Variants in KPNA6 observed in about 807,000 individuals in gnomAD.
KPNA6 encodes karyopherin subunit alpha 6.
A neutral mutation model predicts 72.0 loss-of-function variants in KPNA6; 9 were observed. The ratio of observed to expected loss-of-function variants is 0.13; its 90% CI spans 0.08 to 0.22. KPNA6 has a LOEUF of 0.22. KPNA6 is among the 10% of genes least tolerant of loss of function. The pLI is 1.00. For synonymous variants in KPNA6, 219 were observed against 242.1 expected, an observed-to-expected ratio of 0.90 and a Z score of 0.89; for missense variants, 374 against 655.7, an observed-to-expected ratio of 0.57 and a Z score of 4.69.
At chr1:32,128,703 C>T (rs1041081345) in intron 1 of KPNA6, among the ~76,000 whole-genome samples, 14 of 151,988 alleles carry the variant, frequency 9.2e-5, no homozygotes, top group African/African-American at 2.9e-4. Flanking sequence ...GTGACTGGCA[C>T]TTCTGACAGG....
chr1:32,162,965 G>A (rs934619142), intron 9 of KPNA6, among the ~76,000 whole-genome samples: 2 of 151,402 alleles, frequency 1.3e-5, no homozygotes, highest in African/African-American at 2.4e-5. Context: ...TTAGCCGGGC[G>A]TGGTGGCGGG....
intron 1 of KPNA6, among the ~76,000 whole-genome samples, chr1:32,138,737 A>G (rs539251991): frequency 6.6e-6 from 1 of 152,144 alleles, no homozygotes; most frequent in East Asian, 1.9e-4. Flanking sequence ...AAATTGGGAG[A>G]GGATGGTGTT....
At chr1:32,119,022 A>T (rs1315741882) in intron 1 of KPNA6, among the ~76,000 whole-genome samples, 1,255 of 74,840 alleles carry the variant, frequency 0.017, 43 homozygotes, top group South Asian at 0.03. Context: ...ATATATATAT[A>T]TATATATATA....
rs1642152636 is a variant in KPNA6 at position 32,156,821 on chromosome 1, A to T, written c.139-32A>T. Reference sequence around the variant, plus strand: ...GTTCTTTGTTTTCTTTGGTTCAGAGAGTACTCTTAACCACTGTCTCTTTAC... The same window carrying T: ...GTTCTTTGTTTTCTTTGGTTCAGAGTGTACTCTTAACCACTGTCTCTTTAC... On this transcript the variant is annotated intron_variant, in intron 2 of 13. Coordinates refer to ENST00000373625, the MANE Select transcript of KPNA6 (RefSeq NM_012316.5). The T allele has an allele frequency of 5.5e-6, 8 of 1,463,948 alleles. No homozygotes were observed. The South Asian group carries it at 9.1e-5, about 17-fold the overall frequency. The allele number at this position is 1,463,948 out of a possible 1,614,324, so 90.7% of individuals were successfully genotyped here.
intron 1 of KPNA6, among the ~76,000 whole-genome samples, chr1:32,143,467 C>T (rs1641875237): frequency 6.6e-6 from 1 of 151,464 alleles, no homozygotes; most frequent in Non-Finnish European, 1.5e-5. Context: ...TGCCTGTAAT[C>T]CCCACTACTT....
chr1:32,134,883 T>C (rs182971648), intron 1 of KPNA6, among the ~76,000 whole-genome samples: 233 of 151,712 alleles, frequency 1.5e-3, no homozygotes, highest in African/African-American at 5.4e-3. Flanking sequence ...TTCTTTTTTT[T>C]AATTTTATTT....
Position 32,172,790 on chromosome 1 carries a change from T to A in KPNA6, c.*1896T>A. On this transcript the variant is annotated 3_prime_UTR_variant, in exon 14 of 14. Coordinates refer to ENST00000373625, the MANE Select transcript of KPNA6 (RefSeq NM_012316.5). ...CCACTGTGGTTAGTCAGAGGCATCCTGCTCCAAGCTCTGCTTTTCCTTCCT... is the reference window on the plus strand; with the variant it reads ...CCACTGTGGTTAGTCAGAGGCATCCAGCTCCAAGCTCTGCTTTTCCTTCCT... The A allele has an allele frequency of 1.9e-4, 41 of 216,680 alleles. No individual in the cohort carries two copies. Among genetic ancestry groups the A allele is most frequent in the East Asian group, 3.5e-4 (4 of 11,304 alleles). The allele number at this position is 216,680 out of a possible 1,614,324, so 13.4% of individuals were successfully genotyped here.
intron 1 of KPNA6, among the ~76,000 whole-genome samples, chr1:32,109,899 T>TC (rs1051798551): frequency 2.6e-5 from 4 of 151,580 alleles, no homozygotes; most frequent in African/African-American, 9.7e-5. Flanking sequence ...CTCGTGATCC[T>TC]CCCGCCTCGC....
chr1:32,135,453 C>T (rs1382058179), intron 1 of KPNA6, among the ~76,000 whole-genome samples: 1 of 152,012 alleles, frequency 6.6e-6, no homozygotes, highest in Non-Finnish European at 1.5e-5. Context: ...CTACTTCGGC[C>T]TCCCAAATTG....
At chr1:32,162,789 C>T (rs981755541) in intron 9 of KPNA6, among the ~76,000 whole-genome samples, 7 of 151,322 alleles carry the variant, frequency 4.6e-5, no homozygotes, top group African/African-American at 9.7e-5. Flanking sequence ...GAGCCGAGAT[C>T]GTGCCATTGC....
At chr1:32,114,449 A>ATATATATAT (rs1553125080) in intron 1 of KPNA6, among the ~76,000 whole-genome samples, 1 of 146,224 alleles carries the variant, frequency 6.8e-6, no homozygotes, top group African/African-American at 2.6e-5. Flanking sequence ...CTCAAAAAAA[A>ATATATATAT]AAATATATAT....
rs917700826 is a variant in KPNA6, at chr1:32,173,908, G to A, written c.*3014G>A. The A allele has an allele frequency of 2.0e-5, 3 of 152,312 alleles. No individual in the cohort carries two copies. Among genetic ancestry groups the A allele is most frequent in the Admixed American group, 6.5e-5 (1 of 15,284 alleles). 9.4% of individuals were successfully genotyped at this position (152,312 alleles called of 1,614,324 possible). Reference sequence around the variant, plus strand: ...TTGGGGGTATCTGGATATGGATTAGGAGGGACAAGGAGCCTTTTTCTTGGC... The same window carrying A: ...TTGGGGGTATCTGGATATGGATTAGAAGGGACAAGGAGCCTTTTTCTTGGC... On this transcript the variant is annotated 3_prime_UTR_variant, in exon 14 of 14. Transcript: ENST00000373625.
intron 1 of KPNA6, among the ~76,000 whole-genome samples, chr1:32,118,762 C>A (rs968890722): frequency 3.3e-5 from 5 of 151,640 alleles, no homozygotes; most frequent in Non-Finnish European, 7.4e-5. Context: ...CCATTGTACT[C>A]TAGCCTAGGT....
chr1:32,140,437 T>G (rs1166717429), intron 1 of KPNA6, among the ~76,000 whole-genome samples: 8 of 152,124 alleles, frequency 5.3e-5, no homozygotes, highest in Non-Finnish European at 1.0e-4. Context: ...CTAAAGTAAT[T>G]GGGCGAAGTG....
chr1:32,157,505 T>G, intron 4 of KPNA6, 60 bp downstream of exon 4: 2 of 1,241,122 alleles, frequency 1.6e-6, no homozygotes, highest in Non-Finnish European at 2.4e-6. Context: ...TTCTCTTCAC[T>G]GATGTCATCA....
chr1:32,147,609 C>A (rs982476140), intron 1 of KPNA6, among the ~76,000 whole-genome samples: 3 of 144,010 alleles, frequency 2.1e-5, no homozygotes, highest in Non-Finnish European at 4.6e-5. Context: ...CTTTTCGGCA[C>A]TTTCTTATTC....
At chr1:32,155,703 A>ATTTAT (rs1006186972) in intron 2 of KPNA6, among the ~76,000 whole-genome samples, 5 of 146,118 alleles carry the variant, frequency 3.4e-5, no homozygotes, top group East Asian at 2.0e-4. Context: ...CCTGATTATT[A>ATTTAT]TTATTTATTT....
chr1:32,142,909 A>G, intron 1 of KPNA6: 5 of 1,276,460 alleles, frequency 3.9e-6, no homozygotes, highest in African/African-American at 1.5e-5. Context: ...TCTTGTCACC[A>G]TGGTGACTAA....
chr1:32,126,346 C>G (rs1203563647), intron 1 of KPNA6, among the ~76,000 whole-genome samples: 1 of 134,226 alleles, frequency 7.5e-6, no homozygotes, highest in Non-Finnish European at 1.6e-5. Context: ...CCCATGTTCC[C>G]TCTAGGTGTT....
Sources: allele counts gnomAD v4.1 joint callset (sites outside exome capture counted in the v4.1 genomes callset), GRCh38; gene constraint gnomAD v4.1.1; transcripts MANE v1.5; gene names NCBI Gene and HGNC (gene_info 2026-07-23, HGNC 2026-07-21).